Variants in ANTXR2 observed in about 807,000 individuals in gnomAD.
ANTXR2 encodes anthrax toxin receptor 2.
A neutral mutation model predicts 73.7 loss-of-function variants in ANTXR2; 44 were observed. The observed-to-expected ratio is 0.60, with a 90% CI of 0.47 to 0.77. The LOEUF is 0.77. Among genes scored for constraint, ANTXR2 ranks in the 30% least tolerant of loss-of-function variants. ANTXR2 has a pLI of 0.00. For synonymous variants in ANTXR2, 217 were observed against 205.9 expected, an observed-to-expected ratio of 1.05 and a Z score of -0.46; for missense variants, 604 against 592.5, an observed-to-expected ratio of 1.02 and a Z score of -0.20.
In ANTXR2 at chr4:80,072,655, G is replaced by T. The variant is rs1734867785; in HGVS notation, c.-95C>A. On this transcript the variant is annotated 5_prime_UTR_variant, in exon 1 of 17. Transcript: ENST00000403729. ...CGGGAGTCACCCGGCACGCACTCTG[G>T]GGTGGGGGGCGGCGAGCAGCTGAGA... 1.2e-5 allele frequency: 16 copies of T among 1,342,960 alleles called. No homozygotes were observed. The highest frequency in any genetic ancestry group is 3.8e-5 in the Admixed American group (1 of 26,144). 83.2% of individuals were successfully genotyped at this position (1,342,960 alleles called of 1,614,324 possible). A position where few individuals can be genotyped will look rare whatever the true frequency, so the allele number is the denominator to read the frequency against.
intron 3 of ANTXR2, among the ~76,000 whole-genome samples, chr4:80,063,808 TATC>T (rs1734374882): frequency 6.6e-6 from 1 of 152,218 alleles, no homozygotes. Context: ...TTAATTATAG[TATC>T]ATCAATTGAT....
intron 12 of ANTXR2, 52 bp from the exon 13 acceptor site, chr4:79,984,915 T>A: frequency 7.3e-7 from 1 of 1,371,648 alleles, no homozygotes; most frequent in Non-Finnish European, 1.0e-6. Flanking sequence ...GAGGAGATAG[T>A]AAGGATGTGT....
In ANTXR2 at chr4:80,069,522, A is replaced by C. The variant is rs1294960716; in HGVS notation, c.225-15T>G. ...TCATTTCAGGGCTGCAAAATAAGAA[A>C]AGAGGCAGTTAAAACATTTTTAAAA... On this transcript the variant is annotated splice_polypyrimidine_tract_variant and intron_variant, in intron 2 of 16. Coordinates refer to ENST00000403729, the MANE Select transcript of ANTXR2 (RefSeq NM_058172.6). The C allele has an allele frequency of 6.4e-7, 1 of 1,563,140 alleles. No homozygotes were observed. Among genetic ancestry groups the C allele is most frequent in the Non-Finnish European group, 8.7e-7 (1 of 1,142,864 alleles).
chr4:79,925,330 T>TA (rs35420567), intron 16 of ANTXR2, among the ~76,000 whole-genome samples: 43 of 148,778 alleles, frequency 2.9e-4, no homozygotes, highest in South Asian at 1.1e-3. Flanking sequence ...CCTTAGATAA[T>TA]AAAAAAAAAT....
intron 16 of ANTXR2, among the ~76,000 whole-genome samples, chr4:79,932,354 C>G (rs1301016059): frequency 6.6e-6 from 1 of 151,748 alleles, no homozygotes; most frequent in African/African-American, 2.4e-5. Context: ...CACCACGAAC[C>G]AAGGCCTTAA....
intron 12 of ANTXR2, among the ~76,000 whole-genome samples, chr4:79,985,095 T>C (rs1730073690): frequency 1.3e-5 from 2 of 151,860 alleles, no homozygotes; most frequent in Admixed American, 1.3e-4. Context: ...ATGCCTGTAA[T>C]CCCAGCACTT....
intron 13 of ANTXR2, 124 bp from the exon 14 acceptor site, chr4:79,984,094 A>G: frequency 4.4e-6 from 3 of 682,964 alleles, no homozygotes; most frequent in South Asian, 4.1e-5. Context: ...CTATGTATAG[A>G]ACATGTGGAT....
intron 10 of ANTXR2, among the ~76,000 whole-genome samples, chr4:80,023,126 T>C (rs1032128627): frequency 6.6e-6 from 1 of 152,236 alleles, no homozygotes; most frequent in Non-Finnish European, 1.5e-5. Flanking sequence ...GTAATACCTT[T>C]TGTTTAATTT....
chr4:79,991,978 G>A (rs753212959), intron 12 of ANTXR2, among the ~76,000 whole-genome samples: 2 of 151,892 alleles, frequency 1.3e-5, no homozygotes, highest in African/African-American at 2.4e-5. Flanking sequence ...CCGGTAGAAA[G>A]GTGAGGGTTG....
chr4:80,033,381 C>G, intron 9 of ANTXR2, 91 bp downstream of exon 9: 1 of 847,876 alleles, frequency 1.2e-6, no homozygotes, highest in Non-Finnish European at 1.8e-6. Flanking sequence ...AAAAATATGT[C>G]AGTTAGTTTT....
In ANTXR2 at chr4:79,907,460, C is replaced by G; in HGVS notation, c.1436G>C (p.Cys479Ser). 6.2e-7 allele frequency: 1 copy of G among 1,612,902 alleles called. No individual in the cohort carries two copies. Among genetic ancestry groups the G allele is most frequent in the Non-Finnish European group, 8.5e-7 (1 of 1,179,252 alleles). Residue 479 changes from cysteine (C) to serine (S), a missense_variant, in exon 17 of 17, where the codon TGC becomes TCC. Physicochemically the swap from Cys to Ser is moderately radical, Grantham distance 112 (BLOSUM62 -1). Coordinates refer to ENST00000403729, the MANE Select transcript of ANTXR2 (RefSeq NM_058172.6). Reference sequence around the variant, plus strand: ...AGATGGAACTCGGGAGAAGTTTATGCACCGGCCCTGAAGAAAGAAATAAAT... The same window carrying G: ...AGATGGAACTCGGGAGAAGTTTATGGACCGGCCCTGAAGAAAGAAATAAAT... ...MRPQEGDEGR[C>S]INFSRVPSQ
At position 80,071,596 on chromosome 4, in the gene ANTXR2, C is replaced by G. The variant is rs776433393; in HGVS notation, c.211G>C (p.Glu71Gln). ...TAAGAAAGATACCTCACAAATCTCT[C>G]CGCAAGTTGCTGTACGAAATTATAA... ...EIYNFVQQLAERFVSPEMRLS... is the reference protein window; with the variant it reads ...EIYNFVQQLAQRFVSPEMRLS... The change falls in exon 2 of 17, where the codon GAG becomes CAG. Residue 71 changes from glutamate (E) to glutamine (Q), a missense_variant. Physicochemically the swap from Glu to Gln is conservative, Grantham distance 29. Transcript: ENST00000403729. The G allele has an allele frequency of 1.9e-6, 3 of 1,612,240 alleles. No individual in the cohort carries two copies. The highest frequency in any genetic ancestry group is 2.5e-6 in the Non-Finnish European group (3 of 1,178,342).
At chr4:80,058,303 G>A (rs915052687) in intron 3 of ANTXR2, among the ~76,000 whole-genome samples, 1 of 151,886 alleles carries the variant, frequency 6.6e-6, no homozygotes. Context: ...AGCAGTTTGC[G>A]GTTTTTCTAT....
At chr4:80,046,236 C>T (rs1733509358) in intron 7 of ANTXR2, among the ~76,000 whole-genome samples, 1 of 151,748 alleles carries the variant, frequency 6.6e-6, no homozygotes, top group African/African-American at 2.4e-5. Context: ...GTTTCTTCCA[C>T]ATCTCACAAT....
chr4:80,062,378 A>C (rs1342240450), intron 3 of ANTXR2, among the ~76,000 whole-genome samples: 3 of 152,148 alleles, frequency 2.0e-5, no homozygotes, highest in Non-Finnish European at 1.5e-5. Context: ...ATCATGAAAA[A>C]TCAACCCCTG....
At chr4:79,934,904 A>C (rs1273539899) in intron 16 of ANTXR2, among the ~76,000 whole-genome samples, 1 of 152,060 alleles carries the variant, frequency 6.6e-6, no homozygotes, top group Non-Finnish European at 1.5e-5. Flanking sequence ...TAGTCATTGG[A>C]AAGAGACCTT....
intron 16 of ANTXR2, among the ~76,000 whole-genome samples, chr4:79,935,100 AAAC>A (rs1728209993): frequency 6.6e-6 from 1 of 152,170 alleles, no homozygotes; most frequent in Non-Finnish European, 1.5e-5. Context: ...TAAAAAAAAA[AAAC>A]AACTGAATAA....
chr4:80,065,816 A>G (rs1468093793), intron 3 of ANTXR2, among the ~76,000 whole-genome samples: 1 of 152,222 alleles, frequency 6.6e-6, no homozygotes, highest in Non-Finnish European at 1.5e-5. Flanking sequence ...AAGAATTATG[A>G]GTGCTAGAAA....
chr4:79,918,226 T>A (rs1560853451), intron 16 of ANTXR2, among the ~76,000 whole-genome samples: 1 of 152,136 alleles, frequency 6.6e-6, no homozygotes, highest in East Asian at 1.9e-4. Context: ...CAATATCCAA[T>A]GGTTTGTCAT....
Sources: gnomAD v4.1 joint callset for allele counts (sites outside exome capture counted in the v4.1 genomes callset) on GRCh38, gnomAD v4.1.1 for gene constraint, MANE v1.5 for transcripts, NCBI Gene and HGNC (gene_info 2026-07-23, HGNC 2026-07-21) for gene names.